CALN1: variants seen among roughly 807,000 people sequenced by gnomAD.
CALN1 encodes the protein calneuron 1, also known as calcium-binding protein 8.
In CALN1, 17 loss-of-function variants were observed where a neutral mutation model predicts 30.6. The observed-to-expected ratio is 0.56, with a 90% confidence interval of 0.38 to 0.83. The LOEUF is 0.83. CALN1 is among the 40% of genes least tolerant of loss of function. The pLI, the probability that CALN1 is intolerant of heterozygous loss-of-function variation, is 0.00. For synonymous variants in CALN1, 156 were observed against 131.4 expected (o/e 1.19, Z -1.28); for missense variants, 291 against 354.9 (o/e 0.82, Z 1.45).
At chr7:71,981,900 C>T (rs539823483) in intron 5 of CALN1, among the ~76,000 whole-genome samples, 2 of 151,976 alleles carry the variant, frequency 1.3e-5, no homozygotes, top group African/African-American at 2.4e-5. Context: ...GGTGGTGGTA[C>T]GAGAGTCGAG....
rs1309876621 is a variant in CALN1, at chr7:72,106,269, C to T, written c.270G>A (p.Leu90=). 1 of 1,614,018 alleles carries T rather than the reference C, an allele frequency of 6.2e-7. No individual in the cohort carries two copies. Among genetic ancestry groups the T allele is most frequent in the East Asian group, 2.2e-5 (1 of 44,832 alleles). The part of the protein sequence containing the change: ...LDEIREAFRV[L]DRDGNGFISK... ...AGATGAAGCCGTTCCCATCCCGGTCCAGAACCCGAAAGGCCTCTCGGATTT... is the reference window on the plus strand; with the variant it reads ...AGATGAAGCCGTTCCCATCCCGGTCTAGAACCCGAAAGGCCTCTCGGATTT... Residue 90 remains leucine (L), a synonymous_variant, in exon 4 of 7, where the codon CTG becomes CTA. Transcript: ENST00000395275.
Position 72,363,587 on chromosome 7 carries a change from A to G in CALN1, c.119+39664T>C, listed in dbSNP as rs182135549. On this transcript the variant is annotated intron_variant, in intron 2 of 6. Transcript: ENST00000395275. ...ATAAACTTACTTTTTTTACAGAAAA[A>G]AGTATCAGTCTAGGTTTTATACTTA... Among the ~76,000 whole-genome samples the G allele has an allele frequency of 4.6e-3, 696 of 152,186 alleles. 4 individuals are homozygous for G. The highest frequency in any genetic ancestry group is 0.031 in the Middle Eastern group (9 of 294).
chr7:71,792,504 A>G (rs1786628201), intron 6 of CALN1, among the ~76,000 whole-genome samples: 1 of 152,138 alleles, frequency 6.6e-6, no homozygotes, highest in African/African-American at 2.4e-5. Flanking sequence ...AATGCTGTTT[A>G]GGTGTGGGTC....
At chr7:72,275,930 G>A (rs1318161616) in intron 3 of CALN1, among the ~76,000 whole-genome samples, 2 of 152,058 alleles carry the variant, frequency 1.3e-5, no homozygotes, top group African/African-American at 4.8e-5. Flanking sequence ...CACCCCCACA[G>A]TAGCCCTGAA....
intron 2 of CALN1, among the ~76,000 whole-genome samples, chr7:72,347,946 C>A (rs1214108926): frequency 6.6e-6 from 1 of 152,044 alleles, no homozygotes; most frequent in Admixed American, 6.6e-5. Flanking sequence ...GCCTGGCCAA[C>A]ATGCTGAGAC....
At chr7:72,455,127 G>A in the CALN1 span, among the ~76,000 whole-genome samples, 2 of 151,842 alleles carry the variant, frequency 1.3e-5, no homozygotes, top group Non-Finnish European at 2.9e-5. Flanking sequence ...CACCGCGCCC[G>A]GCCTCTGCTC....
intron 6 of CALN1, among the ~76,000 whole-genome samples, chr7:71,790,835 G>A (rs1793339557): frequency 2.0e-5 from 3 of 152,304 alleles, no homozygotes; most frequent in Admixed American, 6.5e-5. Flanking sequence ...CAGTAGGCCC[G>A]GAGTAGGATG....
intron 3 of CALN1, among the ~76,000 whole-genome samples, chr7:72,106,722 G>A (rs62650363): frequency 0.12 from 1,688 of 14,500 alleles, 138 homozygotes; most frequent in East Asian, 0.27. Flanking sequence ...GGGAGGAAGG[G>A]AGGGAGGGAG....
intron 2 of CALN1, among the ~76,000 whole-genome samples, chr7:72,382,475 T>C (rs1184974773): frequency 6.6e-6 from 1 of 152,182 alleles, no homozygotes; most frequent in African/African-American, 2.4e-5. Context: ...TTTATTTCAA[T>C]TTTTTTAGAT....
intron 3 of CALN1, among the ~76,000 whole-genome samples, chr7:72,240,868 C>A (rs1400964779): frequency 1.3e-5 from 2 of 152,178 alleles, no homozygotes; most frequent in Non-Finnish European, 2.9e-5. Flanking sequence ...CTGCTGTTCT[C>A]TCTACCTGGA....
the CALN1 span, among the ~76,000 whole-genome samples, chr7:72,474,092 T>G: frequency 1.3e-5 from 2 of 152,190 alleles, no homozygotes; most frequent in African/African-American, 4.8e-5. Context: ...TCATAACATT[T>G]GGAAATATCA....
At chr7:71,902,651 G>A (rs995594177) in intron 5 of CALN1, among the ~76,000 whole-genome samples, 6 of 152,076 alleles carry the variant, frequency 3.9e-5, no homozygotes, top group African/African-American at 1.4e-4. Flanking sequence ...CTACCCGAAG[G>A]AAAATAAATC....
chr7:72,096,086 T>TAGATAGAC (rs1806208873), intron 4 of CALN1, among the ~76,000 whole-genome samples: 1 of 151,712 alleles, frequency 6.6e-6, no homozygotes, highest in African/African-American at 2.4e-5. Context: ...GATAGATAGA[T>TAGATAGAC]AGATAAAGAT....
chr7:72,142,148 C>A (rs1323376489), intron 3 of CALN1, among the ~76,000 whole-genome samples: 1 of 152,138 alleles, frequency 6.6e-6, no homozygotes. Context: ...TGCAGTGCAC[C>A]AAGCATGAGC....
chr7:71,995,975 C>A (rs1445506216), intron 5 of CALN1, among the ~76,000 whole-genome samples: 4 of 152,126 alleles, frequency 2.6e-5, no homozygotes, highest in Non-Finnish European at 5.9e-5. Context: ...AAGAGATACA[C>A]CTGCCATCTT....
chr7:72,229,567 T>C (rs1477590490), intron 3 of CALN1, among the ~76,000 whole-genome samples: 2 of 151,840 alleles, frequency 1.3e-5, no homozygotes, highest in African/African-American at 2.4e-5. Context: ...AAACAGAAAA[T>C]ATGGCATATA....
intron 5 of CALN1, among the ~76,000 whole-genome samples, chr7:71,947,768 C>T (rs1340999337): frequency 1.3e-5 from 2 of 151,936 alleles, no homozygotes; most frequent in Non-Finnish European, 2.9e-5. Flanking sequence ...TGGTGAAACC[C>T]TGCCTCTATT....
At chr7:71,912,042 C>A (rs774699863) in intron 5 of CALN1, among the ~76,000 whole-genome samples, 1 of 151,964 alleles carries the variant, frequency 6.6e-6, no homozygotes, top group Non-Finnish European at 1.5e-5. Flanking sequence ...TTCCTCTCTG[C>A]AAAGCTAACT....
chr7:72,420,429 A>G (rs1199383132), intron 1 of CALN1, among the ~76,000 whole-genome samples: 4 of 151,552 alleles, frequency 2.6e-5, no homozygotes, highest in Non-Finnish European at 5.9e-5. Context: ...CTCACTTCAG[A>G]GTGAAATCTG....
Sources: allele counts gnomAD v4.1 joint callset (sites outside exome capture counted in the v4.1 genomes callset), GRCh38; gene constraint gnomAD v4.1.1; transcripts MANE v1.5; gene names NCBI Gene and HGNC (gene_info 2026-07-23, HGNC 2026-07-21).